GNPNAT1: variants seen among roughly 807,000 people sequenced by gnomAD.
GNPNAT1 encodes the protein glucosamine 6-phosphate N-acetyltransferase.
Under a neutral mutation model 19.8 loss-of-function variants are expected in GNPNAT1, and 11 were observed. The observed-to-expected ratio is 0.56, with a 90% CI of 0.35 to 0.92. GNPNAT1 has a LOEUF of 0.92. Ranked by LOEUF, GNPNAT1 falls within the 40% of genes least tolerant of loss-of-function variation. The pLI, the probability that GNPNAT1 is intolerant of heterozygous loss-of-function variation, is 0.01. For missense variants in GNPNAT1, 157 were observed against 211.0 expected (o/e 0.74, Z 1.59); for synonymous variants, 71 against 72.3 (o/e 0.98, Z 0.09).
intron 1 of GNPNAT1, among the ~76,000 whole-genome samples, chr14:52,790,221 G>A (rs190352458): frequency 6.6e-6 from 1 of 152,162 alleles, no homozygotes; most frequent in Non-Finnish European, 1.5e-5. Context: ...AATAGACACC[G>A]GAGATGAAGA....
rs746559238 is a variant in GNPNAT1, at chr14:52,780,749, A to G, written c.346-9T>C. 3 of 1,571,928 alleles carry G rather than the reference A, an allele frequency of 1.9e-6. No individual in the cohort carries two copies. The highest frequency in any genetic ancestry group is 2.7e-5 in the African/African-American group (2 of 74,072). ...TCTTCTACTCTTCCTCTCTGAAAAT[A>G]TTTACAATGTTTAAAGGAGTAAGCA... On this transcript the variant is annotated splice_polypyrimidine_tract_variant and intron_variant, in intron 4 of 5. Coordinates refer to ENST00000216410, the MANE Select transcript of GNPNAT1 (RefSeq NM_198066.4).
chr14:52,790,145 T>G (rs1883133101), intron 1 of GNPNAT1, among the ~76,000 whole-genome samples: 1 of 152,194 alleles, frequency 6.6e-6, no homozygotes, highest in Non-Finnish European at 1.5e-5. Context: ...TGAGCCTCTG[T>G]ATCAGGTTGG....
chr14:52,778,851 T>C (rs1253423340), intron 5 of GNPNAT1, among the ~76,000 whole-genome samples: 5 of 151,974 alleles, frequency 3.3e-5, no homozygotes, highest in Non-Finnish European at 2.9e-5. Flanking sequence ...ACCCCATCTC[T>C]ACAAAATATA....
At chr14:52,782,200 C>G (rs145676134) in intron 3 of GNPNAT1, among the ~76,000 whole-genome samples, 23 of 152,168 alleles carry the variant, frequency 1.5e-4, no homozygotes, top group Non-Finnish European at 3.1e-4. Flanking sequence ...GATGTTGCCA[C>G]TTCCATGACT....
rs752664152 is a variant in GNPNAT1, at chr14:52,783,515, G to A, written c.155-30C>T. On this transcript the variant is annotated intron_variant, in intron 2 of 5. Coordinates refer to ENST00000216410, the MANE Select transcript of GNPNAT1 (RefSeq NM_198066.4). ...TTTTGAAAAACAGATTTCAAATTACGAGAATAGCAAAAGGAAGACAGTATG... is the reference window on the plus strand; with the variant it reads ...TTTTGAAAAACAGATTTCAAATTACAAGAATAGCAAAAGGAAGACAGTATG... 81 of 1,417,888 alleles carry A rather than the reference G, an allele frequency of 5.7e-5. 1 individual carries two copies. In the East Asian group the frequency reaches 9.8e-4, roughly 17 times the overall value. The allele number at this position is 1,417,888 out of a possible 1,614,324, so 87.8% of individuals were successfully genotyped here. A position where few individuals can be genotyped will look rare whatever the true frequency, so the allele number is the denominator to read the frequency against.
At chr14:52,785,013 C>A (rs771896868) in intron 1 of GNPNAT1, among the ~76,000 whole-genome samples, 3 of 150,526 alleles carry the variant, frequency 2.0e-5, no homozygotes, top group South Asian at 2.1e-4. Flanking sequence ...GCAACCTCTG[C>A]CTTCTGGGTT....
intron 1 of GNPNAT1, among the ~76,000 whole-genome samples, chr14:52,790,267 A>T (rs761018507): frequency 1.3e-5 from 2 of 152,208 alleles, no homozygotes; most frequent in African/African-American, 4.8e-5. Flanking sequence ...AAAAAATACA[A>T]TCTAAGGCCA....
In GNPNAT1 at chr14:52,776,978, G is replaced by C. The variant is rs1882746096; in HGVS notation, c.*1333C>G. On this transcript the variant is annotated 3_prime_UTR_variant, in exon 6 of 6. Transcript: ENST00000216410. ...ACTAGCTTTGTTGCGTTTCACGAAG[G>C]ACAGATCAGTTCGTCTGTATAGGCT... 2.6e-5 allele frequency: 4 copies of C among 152,242 alleles called. No individual in the cohort carries two copies. Among genetic ancestry groups the C allele is most frequent in the African/African-American group, 9.6e-5 (4 of 41,470 alleles). The allele number at this position is 152,242 out of a possible 1,614,324, so 9.4% of individuals were successfully genotyped here.
In GNPNAT1 at chr14:52,775,882, CT is replaced by C. The variant is rs1882698054; in HGVS notation, c.*2428del. On this transcript the variant is annotated 3_prime_UTR_variant, in exon 6 of 6. Coordinates refer to ENST00000216410, the MANE Select transcript of GNPNAT1 (RefSeq NM_198066.4). ...TGGGTGATGGAGTGGGACAGTGTCT[CT>C]TTAAAAAATGTGGGCCAGGTGCAGT... The C allele has an allele frequency of 6.6e-6, 1 of 152,150 alleles. No individual in the cohort carries two copies. 9.4% of individuals were successfully genotyped at this position (152,150 alleles called of 1,614,324 possible).
rs1410189256 is a variant in GNPNAT1 at position 52,784,574 on chromosome 14, A to G, written c.77T>C (p.Phe26Ser). ...ATGTGTTGGGGAAATGGCTGGAGAA[A>G]ATGTAGCTGTATTCTGACTCCAGTC... is the stretch of plus-strand genomic sequence containing the variant. ...EVDWSQNTAT[F>S]SPAISPTHPG... is the part of the protein sequence containing the mutation. Residue 26 changes from phenylalanine to serine, a missense_variant, in exon 2 of 6, where the codon TTT (phenylalanine) becomes TCT (serine). Phe to Ser is a radical substitution (Grantham distance 155, BLOSUM62 -2). Transcript: ENST00000216410. The G allele has an allele frequency of 5.0e-6, 8 of 1,609,592 alleles. No homozygotes were observed. The highest frequency in any genetic ancestry group is 6.8e-6 in the Non-Finnish European group (8 of 1,177,694).
At position 52,787,262 on chromosome 14, in the gene GNPNAT1, T is replaced by C. The variant is rs372501754; in HGVS notation, c.-14-2598A>G. 4.6e-5 allele frequency among the ~76,000 whole-genome samples: 7 copies of C among 152,138 alleles called. 1 individual carries two copies. In the East Asian group the frequency reaches 1.4e-3, roughly 30 times the overall value. On this transcript the variant is annotated intron_variant, in intron 1 of 5. Transcript: ENST00000216410. ...TTATTTCATAAGTCACAGTATGCTT[T>C]AGGGCAAATATTCTTAACTTTTCCT...
In GNPNAT1 at chr14:52,784,577, G is replaced by A; in HGVS notation, c.74C>T (p.Thr25Ile). ...TGTTGGGGAAATGGCTGGAGAAAAT[G>A]TAGCTGTATTCTGACTCCAGTCCAC... ...KEVDWSQNTA[T>I]FSPAISPTHP... The change falls in exon 2 of 6, where the codon ACA (threonine) becomes ATA (isoleucine). Residue 25 changes from threonine to isoleucine, a missense_variant. Transcript: ENST00000216410. 1 of 1,609,242 alleles carries A rather than the reference G, an allele frequency of 6.2e-7. No homozygotes were observed. The highest frequency in any genetic ancestry group is 8.5e-7 in the Non-Finnish European group (1 of 1,177,238).
In GNPNAT1 at chr14:52,777,501, C is replaced by T. The variant is rs1484760438; in HGVS notation, c.*810G>A. 6.6e-6 allele frequency: 1 copy of T among 151,932 alleles called. No homozygotes were observed. Among genetic ancestry groups the T allele is most frequent in the African/African-American group, 2.4e-5 (1 of 41,336 alleles). 9.4% of individuals were successfully genotyped at this position (151,932 alleles called of 1,614,324 possible). On this transcript the variant is annotated 3_prime_UTR_variant, in exon 6 of 6. Coordinates refer to ENST00000216410, the MANE Select transcript of GNPNAT1 (RefSeq NM_198066.4). ...CTCCATTTTTGAAAAAACTTAGAGG[C>T]TTCAGATACCCATGAAAAGAAAAAA...
At chr14:52,779,042 C>T (rs1882815015) in intron 5 of GNPNAT1, among the ~76,000 whole-genome samples, 3 of 151,690 alleles carry the variant, frequency 2.0e-5, no homozygotes, top group South Asian at 4.2e-4. Flanking sequence ...TTTTAAGATG[C>T]ATGTTAACAC....
chr14:52,782,449 G>A (rs901847138), intron 3 of GNPNAT1, among the ~76,000 whole-genome samples: 1 of 152,074 alleles, frequency 6.6e-6, no homozygotes, highest in African/African-American at 2.4e-5. Flanking sequence ...AGAGCACCTT[G>A]CAAGGAAGTA....
At chr14:52,779,752 ATAAAT>A (rs961017244) in intron 5 of GNPNAT1, among the ~76,000 whole-genome samples, 6 of 143,804 alleles carry the variant, frequency 4.2e-5, no homozygotes, top group East Asian at 4.1e-4. Context: ...AAAAAAAAAC[ATAAAT>A]TATATAGACT....
chr14:52,785,613 C>T (rs1234023314), intron 1 of GNPNAT1, among the ~76,000 whole-genome samples: 1 of 151,316 alleles, frequency 6.6e-6, no homozygotes, highest in East Asian at 2.0e-4. Flanking sequence ...ATCCCAGCTA[C>T]TCGGGAGGCT....
intron 5 of GNPNAT1, among the ~76,000 whole-genome samples, chr14:52,779,503 G>A (rs371579678): frequency 5.9e-5 from 9 of 152,038 alleles, no homozygotes; most frequent in African/African-American, 2.2e-4. Flanking sequence ...AGGAGGCCAA[G>A]GATCACTTGA....
chr14:52,785,535 C>A (rs1882994329), intron 1 of GNPNAT1, among the ~76,000 whole-genome samples: 1 of 151,344 alleles, frequency 6.6e-6, no homozygotes, highest in African/African-American at 2.4e-5. Flanking sequence ...CCAGCCTGAC[C>A]AACATGGAGA....
Sources: gnomAD v4.1 joint callset for allele counts (sites outside exome capture counted in the v4.1 genomes callset) on GRCh38, gnomAD v4.1.1 for gene constraint, MANE v1.5 for transcripts, NCBI Gene and HGNC (gene_info 2026-07-23, HGNC 2026-07-21) for gene names.